Variants in CCSER1 observed in about 807,000 individuals in gnomAD.
The protein encoded by CCSER1 is serine-rich coiled-coil domain-containing protein 1.
In CCSER1, 41 loss-of-function variants were observed where a neutral mutation model predicts 82.0. The ratio of observed to expected loss-of-function variants is 0.50; its 90% confidence interval spans 0.39 to 0.65. CCSER1 has a LOEUF of 0.65. Ranked by LOEUF, CCSER1 falls within the 30% of genes least tolerant of loss-of-function variation. The pLI is 0.00. For synonymous variants in CCSER1, 414 were observed against 383.9 expected (o/e 1.08, Z -0.92); for missense variants, 1,119 against 1,064.2 (o/e 1.05, Z -0.72).
intron 10 of CCSER1, among the ~76,000 whole-genome samples, chr4:91,288,592 T>C (rs1388188276): frequency 6.6e-6 from 1 of 151,992 alleles, no homozygotes; most frequent in Non-Finnish European, 1.5e-5. Flanking sequence ...AAGCTGTCCC[T>C]TGTGCTAAAG....
At chr4:90,241,767 C>T (rs1746887905) in intron 1 of CCSER1, among the ~76,000 whole-genome samples, 1 of 152,052 alleles carries the variant, frequency 6.6e-6, no homozygotes, top group South Asian at 2.1e-4. Context: ...GTTGCAGGAG[C>T]ATTAACATTG....
intron 10 of CCSER1, among the ~76,000 whole-genome samples, chr4:91,541,562 C>A (rs889470945): frequency 2.0e-5 from 3 of 152,084 alleles, no homozygotes; most frequent in South Asian, 4.1e-4. Context: ...TGAACTCATC[C>A]TTTTTTATGG....
chr4:90,750,304 C>T (rs1328218975), intron 7 of CCSER1, among the ~76,000 whole-genome samples: 1 of 151,956 alleles, frequency 6.6e-6, no homozygotes, highest in African/African-American at 2.4e-5. Flanking sequence ...TAATTAGATC[C>T]CATTTGTCTT....
At chr4:90,385,569 C>T (rs1749904595) in intron 3 of CCSER1, among the ~76,000 whole-genome samples, 2 of 151,060 alleles carry the variant, frequency 1.3e-5, no homozygotes, top group African/African-American at 4.9e-5. Context: ...ATGCCATTCT[C>T]CTGCCTCAGC....
At chr4:90,899,033 G>A (rs564172670) in intron 8 of CCSER1, among the ~76,000 whole-genome samples, 1 of 151,726 alleles carries the variant, frequency 6.6e-6, no homozygotes, top group African/African-American at 2.4e-5. Flanking sequence ...ATTTTTTTGG[G>A]ATGTGTAGTC....
chr4:90,841,968 GCTGT>G (rs1166970028), intron 8 of CCSER1, among the ~76,000 whole-genome samples: 4 of 152,016 alleles, frequency 2.6e-5, no homozygotes, highest in African/African-American at 9.7e-5. Flanking sequence ...TCTACATTCT[GCTGT>G]CTGTCTTTTC....
rs943071470 is a variant in CCSER1 at position 91,037,410 on chromosome 4, C to T, written c.2173-48540C>T. Among the ~76,000 whole-genome samples, 4 of 152,274 alleles carry T rather than the reference C, an allele frequency of 2.6e-5. No homozygotes were observed. The East Asian group carries it at 7.7e-4, about 29-fold the overall frequency. On this transcript the variant is annotated intron_variant, in intron 9 of 10. Transcript: ENST00000509176. ...CTCAGCAAAGCCTTTCCCCTGTCCT[C>T]CTTCTCTAAGAAATCTCAGATGTAG... is the stretch of plus-strand genomic sequence containing the variant.
intron 1 of CCSER1, among the ~76,000 whole-genome samples, chr4:90,285,675 A>G (rs927095322): frequency 1.3e-5 from 2 of 151,954 alleles, no homozygotes; most frequent in African/African-American, 4.8e-5. Context: ...TTCCAGTACT[A>G]TATTTAATAA....
At chr4:91,588,095 A>T (rs1764092628) in intron 10 of CCSER1, among the ~76,000 whole-genome samples, 1 of 151,062 alleles carries the variant, frequency 6.6e-6, no homozygotes. Context: ...TGCTTTGTTG[A>T]TTTTTTTTCT....
chr4:90,409,298 C>T (rs963721085), intron 4 of CCSER1, among the ~76,000 whole-genome samples: 5 of 152,050 alleles, frequency 3.3e-5, no homozygotes, highest in Admixed American at 6.6e-5. Flanking sequence ...AGATAATCCT[C>T]GAGAAGAGCA....
intron 7 of CCSER1, among the ~76,000 whole-genome samples, chr4:90,772,066 G>T (rs2149570327): frequency 6.6e-6 from 1 of 152,152 alleles, no homozygotes; most frequent in South Asian, 2.1e-4. Flanking sequence ...GAGAAAATTT[G>T]ATCTAAGGCA....
intron 1 of CCSER1, among the ~76,000 whole-genome samples, chr4:90,158,851 C>A (rs1029968586): frequency 6.6e-6 from 1 of 152,162 alleles, no homozygotes; most frequent in African/African-American, 2.4e-5. Context: ...ATGCCTCACC[C>A]TGCTTCGGCT....
intron 10 of CCSER1, among the ~76,000 whole-genome samples, chr4:91,441,619 A>G (rs1755157196): frequency 1.3e-5 from 2 of 152,234 alleles, no homozygotes; most frequent in South Asian, 4.1e-4. Context: ...AGTTCTGGTC[A>G]GGGCAGTTAG....
chr4:90,492,171 G>C (rs942385925), intron 5 of CCSER1, among the ~76,000 whole-genome samples: 4 of 151,970 alleles, frequency 2.6e-5, no homozygotes, highest in African/African-American at 9.7e-5. Flanking sequence ...TTGGTAGGCT[G>C]TTAATTATTG....
At chr4:91,298,559 C>G (rs1170936351) in intron 10 of CCSER1, among the ~76,000 whole-genome samples, 1 of 151,724 alleles carries the variant, frequency 6.6e-6, no homozygotes, top group Non-Finnish European at 1.5e-5. Flanking sequence ...AGGATTCAGG[C>G]CAATTCAAAA....
At chr4:91,379,335 C>T (rs1161742079) in intron 10 of CCSER1, among the ~76,000 whole-genome samples, 1 of 152,164 alleles carries the variant, frequency 6.6e-6, no homozygotes, top group Non-Finnish European at 1.5e-5. Context: ...GGTCCCAGCT[C>T]CTCCTTGTAC....
intron 10 of CCSER1, among the ~76,000 whole-genome samples, chr4:91,358,116 C>CT (rs1463659600): frequency 2.0e-5 from 3 of 151,956 alleles, no homozygotes; most frequent in Non-Finnish European, 4.4e-5. Flanking sequence ...TTTAGATGGC[C>CT]TTTTTTTCTC....
At chr4:90,412,930 T>G (rs757504569) in intron 4 of CCSER1, among the ~76,000 whole-genome samples, 10 of 148,758 alleles carry the variant, frequency 6.7e-5, no homozygotes, top group East Asian at 1.9e-4. Context: ...GAGAAAGAAA[T>G]AAAGAGCATC....
At chr4:91,155,069 G>T (rs568068454) in intron 10 of CCSER1, among the ~76,000 whole-genome samples, 2 of 151,446 alleles carry the variant, frequency 1.3e-5, no homozygotes, top group African/African-American at 2.4e-5. Context: ...AGGCTTAAAA[G>T]AATATCCCAT....
Sources: gnomAD v4.1 joint callset for allele counts (sites outside exome capture counted in the v4.1 genomes callset) on GRCh38, gnomAD v4.1.1 for gene constraint, MANE v1.5 for transcripts, NCBI Gene and HGNC (gene_info 2026-07-23, HGNC 2026-07-21) for gene names.